Variants in SOX11 observed in about 807,000 individuals in gnomAD.
The protein encoded by SOX11 is transcription factor SOX-11.
A neutral mutation model predicts 16.7 loss-of-function variants in SOX11; 5 were observed. The ratio of observed to expected loss-of-function variants is 0.30; its 90% confidence interval spans 0.16 to 0.63. The LOEUF (loss-of-function observed/expected upper bound fraction) is 0.63. Ranked by LOEUF, SOX11 falls within the 20% of genes least tolerant of loss-of-function variation. SOX11 has a pLI of 0.82. For missense variants in SOX11, 492 were observed against 641.5 expected, an observed-to-expected ratio of 0.77 and a Z score of 2.52; for synonymous variants, 363 against 298.8, an observed-to-expected ratio of 1.21 and a Z score of -2.22.
At position 5,699,818 on chromosome 2, in the gene SOX11, A is replaced by T. The variant is rs568508129; in HGVS notation, c.*5771A>T. On this transcript the variant is annotated 3_prime_UTR_variant, in exon 1 of 1. Coordinates refer to ENST00000322002, the MANE Select transcript of SOX11 (RefSeq NM_003108.4). Reference sequence around the variant, plus strand: ...CTGCCTAATTAGTTTTATCTGTTCCATGTGGATGCAGTGAGTTTATAAGAG... The same window carrying T: ...CTGCCTAATTAGTTTTATCTGTTCCTTGTGGATGCAGTGAGTTTATAAGAG... 1 of 163,598 alleles carries T rather than the reference A, an allele frequency of 6.1e-6. No individual in the cohort carries two copies. The highest frequency in any genetic ancestry group is 1.5e-5 in the Non-Finnish European group (1 of 67,744). 10.1% of individuals were successfully genotyped at this position (163,598 alleles called of 1,614,324 possible).
rs1665775873 is a variant in SOX11, at chr2:5,698,222, G to A, written c.*4175G>A. On this transcript the variant is annotated 3_prime_UTR_variant, in exon 1 of 1. Transcript: ENST00000322002. ...TTCTTTATTGAGTGTCTAAAACATAGTATAATACACATGGTATTCTTGCCA... is the reference window on the plus strand; with the variant it reads ...TTCTTTATTGAGTGTCTAAAACATAATATAATACACATGGTATTCTTGCCA... 1 of 167,168 alleles carries A rather than the reference G, an allele frequency of 6.0e-6. No individual in the cohort carries two copies. 10.4% of individuals were successfully genotyped at this position (167,168 alleles called of 1,614,324 possible). A position where few individuals can be genotyped will look rare whatever the true frequency, so the allele number is the denominator to read the frequency against.
chr2:5,695,549 GTCGACATCATTGCCTGT>G lies in SOX11; in HGVS notation c.*1504_*1520del. On this transcript the variant is annotated 3_prime_UTR_variant, in exon 1 of 1. Transcript: ENST00000322002. ...GGTGGCAAAGCAGACTCAATGCACT[GTCGACATCATTGCCTGT>G]TTTTTTTTTTTTTTTTTTGTGCTGG... is the stretch of plus-strand genomic sequence containing the variant. 1 of 161,644 alleles carries G rather than the reference GTCGACATCATTGCCTGT, an allele frequency of 6.2e-6. No individual in the cohort carries two copies. Among genetic ancestry groups the G allele is most frequent in the South Asian group, 2.1e-4 (1 of 4,662 alleles). The allele number at this position is 161,644 out of a possible 1,614,324, so 10.0% of individuals were successfully genotyped here. A position where few individuals can be genotyped will look rare whatever the true frequency, so the allele number is the denominator to read the frequency against.
rs570933315 is a variant in SOX11, at chr2:5,696,288, G to T, written c.*2241G>T. Reference sequence around the variant, plus strand: ...GGGGGAAGGGGAAGAGGAAAGGAGAGAAGTGGTCGGTGTCTGTTTCCTTCT... The same window carrying T: ...GGGGGAAGGGGAAGAGGAAAGGAGATAAGTGGTCGGTGTCTGTTTCCTTCT... On this transcript the variant is annotated 3_prime_UTR_variant, in exon 1 of 1. Transcript: ENST00000322002. 401 of 167,954 alleles carry T rather than the reference G, an allele frequency of 2.4e-3. 4 individuals are homozygous for T. The highest frequency in any genetic ancestry group is 3.9e-3 in the Non-Finnish European group (267 of 68,660). The allele number at this position is 167,954 out of a possible 1,614,324, so 10.4% of individuals were successfully genotyped here. A position where few individuals can be genotyped will look rare whatever the true frequency, so the allele number is the denominator to read the frequency against.
Position 5,694,314 on chromosome 2 carries a change from C to T in SOX11, c.*267C>T, listed in dbSNP as rs1665691684. 4.2e-6 allele frequency: 2 copies of T among 479,770 alleles called. No individual in the cohort carries two copies. Among genetic ancestry groups the T allele is most frequent in the African/African-American group, 2.0e-5 (1 of 49,054 alleles). 29.7% of individuals were successfully genotyped at this position (479,770 alleles called of 1,614,324 possible). On this transcript the variant is annotated 3_prime_UTR_variant, in exon 1 of 1. Transcript: ENST00000322002. The stretch of plus-strand genomic sequence containing the variant: ...ACATTTTTCCTGTCCTTTTTTTGTC[C>T]CCCCTCCCTTCCTTTATCGTGTCTC...
chr2:5,693,042 C>G lies in SOX11; in HGVS notation c.321C>G (p.Leu107=), dbSNP rs763866335. The change falls in exon 1 of 1, where the codon CTC becomes CTG. Residue 107 remains leucine, a synonymous_variant. Transcript: ENST00000322002. This position sits in a 1 kb window ranked among gnomAD's most constrained non-coding sequence, Gnocchi z 8.6. The stretch of plus-strand genomic sequence containing the variant: ...TCCGGGAGGCGGAGCGGCTGCGGCT[C>G]AAGCACATGGCCGACTACCCCGACT... The part of the protein sequence containing the change: ...PFIREAERLR[L]KHMADYPDYK... The G allele has an allele frequency of 2.5e-6, 4 of 1,614,114 alleles. No homozygotes were observed. The highest frequency in any genetic ancestry group is 1.7e-6 in the Non-Finnish European group (2 of 1,180,012).
chr2:5,698,028 GA>G lies in SOX11; in HGVS notation c.*3982del, dbSNP rs1226408945. 1.4e-5 allele frequency: 2 copies of G among 139,466 alleles called. No individual in the cohort carries two copies. Among genetic ancestry groups the G allele is most frequent in the African/African-American group, 3.1e-5 (1 of 32,282 alleles). 8.6% of individuals were successfully genotyped at this position (139,466 alleles called of 1,614,324 possible). On this transcript the variant is annotated 3_prime_UTR_variant, in exon 1 of 1. Coordinates refer to ENST00000322002, the MANE Select transcript of SOX11 (RefSeq NM_003108.4). The stretch of plus-strand genomic sequence containing the variant: ...CTTCAGAATGGGAAGAGATAGTCAA[GA>G]TTTTTTTTTTTTAAAGCCATGTGGC...
rs1444096004 is a variant in SOX11 at position 5,693,432 on chromosome 2, G to T, written c.711G>T (p.Leu237=). The change falls in exon 1 of 1, where the codon CTG becomes CTT. Residue 237 remains leucine (L), a synonymous_variant. Transcript: ENST00000322002. The surrounding 1 kb of genome is among the most constrained non-coding windows in gnomAD (Gnocchi z 8.6). ...ACGACGACGACGACGAGCTGCAGCT[G>T]CAGATCAAACAGGAGCCGGACGAGG... The part of the protein sequence containing the change: ...DDDDDDDELQ[L]QIKQEPDEED... 4 of 1,591,938 alleles carry T rather than the reference G, an allele frequency of 2.5e-6. No homozygotes were observed. Among genetic ancestry groups the T allele is most frequent in the Non-Finnish European group, 8.5e-7 (1 of 1,177,306 alleles).
rs1243311859 is a variant in SOX11, at chr2:5,697,631, T to C, written c.*3584T>C. The C allele has an allele frequency of 1.2e-5, 2 of 167,108 alleles. No individual in the cohort carries two copies. Among genetic ancestry groups the C allele is most frequent in the Non-Finnish European group, 2.9e-5 (2 of 68,150 alleles). 10.4% of individuals were successfully genotyped at this position (167,108 alleles called of 1,614,324 possible). ...AAACCATCAGATTTCAGTAGTACAT[T>C]TGGGAAAAGAAGGGGCTGATGGCGT... is the stretch of plus-strand genomic sequence containing the variant. On this transcript the variant is annotated 3_prime_UTR_variant, in exon 1 of 1. Coordinates refer to ENST00000322002, the MANE Select transcript of SOX11 (RefSeq NM_003108.4).
rs60344356 is a variant in SOX11 at position 5,699,709 on chromosome 2, CTTTTTT to C, written c.*5675_*5680del. The C allele has an allele frequency of 0.027, 3,891 of 141,654 alleles. 145 individuals carry two copies. The highest frequency in any genetic ancestry group is 0.092 in the African/African-American group (3,370 of 36,584). The allele number at this position is 141,654 out of a possible 1,614,324, so 8.8% of individuals were successfully genotyped here. A position where few individuals can be genotyped will look rare whatever the true frequency, so the allele number is the denominator to read the frequency against. On this transcript the variant is annotated 3_prime_UTR_variant, in exon 1 of 1. Coordinates refer to ENST00000322002, the MANE Select transcript of SOX11 (RefSeq NM_003108.4). The stretch of plus-strand genomic sequence containing the variant: ...TCTCTTCCATTTTACTTACTGCTGG[CTTTTTT>C]TTTTTTTTTTTTCCTTGATTCCTAC...
In SOX11 at chr2:5,692,668, C is replaced by A; in HGVS notation, c.-54C>A. ...TGGAGGGGTGGGAGGGGGAGGGGGA[C>A]CTCCGCACGAGACCCAGCGGCCCGG... On this transcript the variant is annotated 5_prime_UTR_variant, in exon 1 of 1. Transcript: ENST00000322002. 1 of 1,450,610 alleles carries A rather than the reference C, an allele frequency of 6.9e-7. No homozygotes were observed. The highest frequency in any genetic ancestry group is 1.4e-5 in the South Asian group (1 of 71,094). The allele number at this position is 1,450,610 out of a possible 1,614,324, so 89.9% of individuals were successfully genotyped here. A position where few individuals can be genotyped will look rare whatever the true frequency, so the allele number is the denominator to read the frequency against.
Position 5,693,408 on chromosome 2 carries a change from C to T in SOX11, c.687C>T (p.Asp229=). The T allele has an allele frequency of 6.3e-7, 1 of 1,590,512 alleles. No homozygotes were observed. Among genetic ancestry groups the T allele is most frequent in the Non-Finnish European group, 8.5e-7 (1 of 1,176,784 alleles). ...TTCTGGATGAGGACGACGACGACGA[C>T]GACGACGACGACGAGCTGCAGCTGC... is the stretch of plus-strand genomic sequence containing the variant. ...CVFLDEDDDD[D]DDDDELQLQI... Residue 229 remains aspartate, a synonymous_variant, in exon 1 of 1, where the codon GAC becomes GAT. Coordinates refer to ENST00000322002, the MANE Select transcript of SOX11 (RefSeq NM_003108.4). This position sits in a 1 kb window ranked among gnomAD's most constrained non-coding sequence, Gnocchi z 8.6.
Position 5,693,518 on chromosome 2 carries a change from T to C in SOX11, c.797T>C (p.Leu266Pro). Residue 266 changes from leucine (L) to proline (P), a missense_variant, in exon 1 of 1, where the codon CTG (leucine) becomes CCG (proline). Leu to Pro is a moderately conservative substitution (Grantham distance 98). Coordinates refer to ENST00000322002, the MANE Select transcript of SOX11 (RefSeq NM_003108.4). The surrounding 1 kb of genome is among the most constrained non-coding windows in gnomAD (Gnocchi z 8.6). ...CCGCCGGGGCAGCAGCCGTCGCAGC[T>C]GCTGAGACGCTACAACGTCGCCAAA... The part of the protein sequence containing the change: ...LQPPGQQPSQ[L>P]LRRYNVAKVP... The C allele has an allele frequency of 2.5e-6, 4 of 1,574,102 alleles. No homozygotes were observed.
rs965137232 is a variant in SOX11, at chr2:5,695,632, G to C, written c.*1585G>C. On this transcript the variant is annotated 3_prime_UTR_variant, in exon 1 of 1. Transcript: ENST00000322002. The stretch of plus-strand genomic sequence containing the variant: ...CAATTTTAATAAATCAGCTGGAACT[G>C]ATAGAAACTCGCATCGCCAATAGTC... The C allele has an allele frequency of 4.5e-5, 7 of 156,326 alleles. No individual in the cohort carries two copies. The Admixed American group carries it at 5.2e-4, about 12-fold the overall frequency. 9.7% of individuals were successfully genotyped at this position (156,326 alleles called of 1,614,324 possible).
rs938476255 is a variant in SOX11, at chr2:5,692,562, G to T, written c.-160G>T. On this transcript the variant is annotated 5_prime_UTR_variant, in exon 1 of 1. Coordinates refer to ENST00000322002, the MANE Select transcript of SOX11 (RefSeq NM_003108.4). ...GCCGAAGCCACCACAGCCGCTGTGT[G>T]CAGCCTGGAAGGGGGGGCGGGGGGG... 4 of 624,994 alleles carry T rather than the reference G, an allele frequency of 6.4e-6. No individual in the cohort carries two copies. Among genetic ancestry groups the T allele is most frequent in the Non-Finnish European group, 5.3e-6 (2 of 379,780 alleles). 38.7% of individuals were successfully genotyped at this position (624,994 alleles called of 1,614,324 possible).
Position 5,692,895 on chromosome 2 carries a change from A to G in SOX11, c.174A>G (p.Val58=), listed in dbSNP as rs916167265. The G allele has an allele frequency of 3.1e-6, 5 of 1,614,012 alleles. No individual in the cohort carries two copies. Among genetic ancestry groups the G allele is most frequent in the East Asian group, 2.2e-5 (1 of 44,850 alleles). ...HIKRPMNAFM[V]WSKIERRKIM... is the part of the protein sequence containing the mutation. ...AGCGGCCGATGAACGCGTTCATGGT[A>G]TGGTCCAAGATCGAACGCAGGAAGA... The change falls in exon 1 of 1, where the codon GTA becomes GTG. Residue 58 remains valine, a synonymous_variant. Transcript: ENST00000322002.
Position 5,698,915 on chromosome 2 carries a change from T to G in SOX11, c.*4868T>G, listed in dbSNP as rs959712187. Reference sequence around the variant, plus strand: ...TTTTTTACTTCAGAATTTAAGTGACTTTTGCCCAAGGAATTTGAGAAATAA... The same window carrying G: ...TTTTTTACTTCAGAATTTAAGTGACGTTTGCCCAAGGAATTTGAGAAATAA... On this transcript the variant is annotated 3_prime_UTR_variant, in exon 1 of 1. Transcript: ENST00000322002. 6 of 167,082 alleles carry G rather than the reference T, an allele frequency of 3.6e-5. No individual in the cohort carries two copies. Among genetic ancestry groups the G allele is most frequent in the African/African-American group, 1.4e-4 (6 of 41,466 alleles). 10.3% of individuals were successfully genotyped at this position (167,082 alleles called of 1,614,324 possible). A position where few individuals can be genotyped will look rare whatever the true frequency, so the allele number is the denominator to read the frequency against.
chr2:5,694,198 CTGA>C lies in SOX11; in HGVS notation c.*156_*158del, dbSNP rs978053995. The C allele has an allele frequency of 1.5e-5, 15 of 991,750 alleles. No individual in the cohort carries two copies. The highest frequency in any genetic ancestry group is 2.0e-5 in the Non-Finnish European group (14 of 702,960). The allele number at this position is 991,750 out of a possible 1,614,324, so 61.4% of individuals were successfully genotyped here. On this transcript the variant is annotated 3_prime_UTR_variant, in exon 1 of 1. Transcript: ENST00000322002. ...AGGGTGGAGGGGAGAGAAGAAGATG[CTGA>C]TGATATTGATAAGATGTCGTGACGC...
Position 5,701,108 on chromosome 2 carries a change from T to C in SOX11, c.*7061T>C, listed in dbSNP as rs1356030251. On this transcript the variant is annotated 3_prime_UTR_variant, in exon 1 of 1. Coordinates refer to ENST00000322002, the MANE Select transcript of SOX11 (RefSeq NM_003108.4). ...TATCTAGCATGCAGAGTGTAGTGTG[T>C]TGAAACGGTGTATGACATTGCTGTA... The C allele has an allele frequency of 6.0e-6, 1 of 167,044 alleles. No individual in the cohort carries two copies. Among genetic ancestry groups the C allele is most frequent in the Non-Finnish European group, 1.5e-5 (1 of 68,124 alleles). The allele number at this position is 167,044 out of a possible 1,614,324, so 10.3% of individuals were successfully genotyped here.
rs909042281 is a variant in SOX11, at chr2:5,696,114, C to T, written c.*2067C>T. ...CCTTTGGCAGCGAGCGCTCGGGGCA[C>T]TTCTATCCCCGCCTCTCAAAGGGTG... On this transcript the variant is annotated 3_prime_UTR_variant, in exon 1 of 1. Transcript: ENST00000322002. 2 of 167,016 alleles carry T rather than the reference C, an allele frequency of 1.2e-5. No homozygotes were observed. Among genetic ancestry groups the T allele is most frequent in the African/African-American group, 4.8e-5 (2 of 41,478 alleles). The allele number at this position is 167,016 out of a possible 1,614,324, so 10.3% of individuals were successfully genotyped here.
Sources: gnomAD v4.1 joint callset for allele counts on GRCh38, gnomAD v4.1.1 for gene constraint, Gnocchi (gnomAD v3.1) non-coding constraint, MANE v1.5 for transcripts, NCBI Gene and HGNC (gene_info 2026-07-23, HGNC 2026-07-21) for gene names.